The following ZNF367 variants were observed in gnomAD, a reference collection of about 807,000 sequenced individuals.
ZNF367 encodes C2H2 zinc finger protein ZFF29.
ZNF367 carries 11 observed loss-of-function variants against 31.8 expected under a neutral mutation model. The observed-to-expected ratio is 0.35, with a 90% CI of 0.22 to 0.57. The LOEUF (loss-of-function observed/expected upper bound fraction) is 0.57. Among genes scored for constraint, ZNF367 ranks in the 20% least tolerant of loss-of-function variants. ZNF367 has a pLI of 0.85. For synonymous variants in ZNF367, 199 were observed against 202.4 expected, an observed-to-expected ratio of 0.98 and a Z score of 0.14; for missense variants, 353 against 484.1, an observed-to-expected ratio of 0.73 and a Z score of 2.54.
In ZNF367 at chr9:96,417,841, G is replaced by A. The variant is rs780738975; in HGVS notation, c.192C>T (p.Ser64=). Reference sequence around the variant, plus strand: ...AGCGCCACGGGTACACCATGAAGTCGCTGAAGCCGGGGCTGGTGGGGATGA... The same window carrying A: ...AGCGCCACGGGTACACCATGAAGTCACTGAAGCCGGGGCTGGTGGGGATGA... The part of the protein sequence containing the change: ...PPLIPTSPGF[S]DFMVYPWRWG... The change falls in exon 1 of 5, where the codon AGC becomes AGT. Residue 64 remains serine, a synonymous_variant. Coordinates refer to ENST00000375256, the MANE Select transcript of ZNF367 (RefSeq NM_153695.4). This position sits in a 1 kb window ranked among gnomAD's most constrained non-coding sequence, Gnocchi z 5.0. 11 of 1,493,452 alleles carry A rather than the reference G, an allele frequency of 7.4e-6. No individual in the cohort carries two copies. Among genetic ancestry groups the A allele is most frequent in the Non-Finnish European group, 8.9e-6 (10 of 1,129,860 alleles). The allele number at this position is 1,493,452 out of a possible 1,614,324, so 92.5% of individuals were successfully genotyped here. A position where few individuals can be genotyped will look rare whatever the true frequency, so the allele number is the denominator to read the frequency against.
intron 3 of ZNF367, among the ~76,000 whole-genome samples, chr9:96,393,530 A>T (rs1334914808): frequency 2.7e-5 from 4 of 150,726 alleles, no homozygotes; most frequent in Admixed American, 6.6e-5. Flanking sequence ...AAAACAATAA[A>T]AAATAAATAA....
At chr9:96,402,276 C>A (rs901806330) in intron 1 of ZNF367, among the ~76,000 whole-genome samples, 1 of 151,492 alleles carries the variant, frequency 6.6e-6, no homozygotes, top group Non-Finnish European at 1.5e-5. Flanking sequence ...AAGAAAGAAA[C>A]AAAAGAAAAG....
intron 1 of ZNF367, among the ~76,000 whole-genome samples, chr9:96,401,650 T>C (rs1483160343): frequency 2.2e-4 from 16 of 73,700 alleles, no homozygotes; most frequent in South Asian, 4.4e-4. Context: ...AGAGCGAAGC[T>C]CCGTCTCAAA....
At chr9:96,405,314 C>CAAAA (rs975848691) in intron 1 of ZNF367, among the ~76,000 whole-genome samples, 2 of 55,088 alleles carry the variant, frequency 3.6e-5, no homozygotes, top group African/African-American at 6.7e-5. Context: ...AACTCTGTCT[C>CAAAA]AAAAAAAAAA....
At chr9:96,416,904 C>G (rs776910170) in intron 1 of ZNF367, among the ~76,000 whole-genome samples, 1 of 152,156 alleles carries the variant, frequency 6.6e-6, no homozygotes, top group Non-Finnish European at 1.5e-5. Context: ...ACCTAGTCCC[C>G]GCTCTTCCAC....
chr9:96,388,243 T>C lies in ZNF367; in HGVS notation c.1047A>G (p.Arg349=). 6.2e-7 allele frequency: 1 copy of C among 1,610,572 alleles called. No homozygotes were observed. Among genetic ancestry groups the C allele is most frequent in the Non-Finnish European group, 8.5e-7 (1 of 1,179,344 alleles). ...GGAAGAGTCAGTGTCCAAGCTACTGTCGGAGTGGCGCCCCAGTCAGGTTGG... is the reference window on the plus strand; with the variant it reads ...GGAAGAGTCAGTGTCCAAGCTACTGCCGGAGTGGCGCCCCAGTCAGGTTGG... ...ELANLTGAPL[R]Q Residue 349 remains arginine, a synonymous_variant, in exon 5 of 5, where the codon CGA becomes CGG. Transcript: ENST00000375256.
At position 96,417,812 on chromosome 9, in the gene ZNF367, C is replaced by T. The variant is rs1831854134; in HGVS notation, c.221G>A (p.Gly74Asp). The T allele has an allele frequency of 3.5e-6, 5 of 1,419,148 alleles. No homozygotes were observed. The highest frequency in any genetic ancestry group is 3.1e-5 in the South Asian group (2 of 64,706). The allele number at this position is 1,419,148 out of a possible 1,614,324, so 87.9% of individuals were successfully genotyped here. A position where few individuals can be genotyped will look rare whatever the true frequency, so the allele number is the denominator to read the frequency against. Residue 74 changes from glycine to aspartate, a missense_variant, in exon 1 of 5, where the codon GGC becomes GAC. Around this residue, in one of 5 missense-constraint regions of ZNF367, gnomAD observed 31 missense variants for 58.4 expected, o/e 0.53. Coordinates refer to ENST00000375256, the MANE Select transcript of ZNF367 (RefSeq NM_153695.4). This position sits in a 1 kb window ranked among gnomAD's most constrained non-coding sequence, Gnocchi z 5.0. ...SDFMVYPWRWGENAHNVTLSP... is the reference protein window; with the variant it reads ...SDFMVYPWRWDENAHNVTLSP... ...GAGCGTCACGTTGTGTGCGTTCTCGCCCCAGCGCCACGGGTACACCATGAA... is the reference window on the plus strand; with the variant it reads ...GAGCGTCACGTTGTGTGCGTTCTCGTCCCAGCGCCACGGGTACACCATGAA...
chr9:96,404,376 C>G (rs1376340179), intron 1 of ZNF367, among the ~76,000 whole-genome samples: 1 of 152,026 alleles, frequency 6.6e-6, no homozygotes, highest in African/African-American at 2.4e-5. Flanking sequence ...GAGTGGATTA[C>G]GAGGTCAAGA....
Position 96,417,382 on chromosome 9 carries a change from A to G in ZNF367, c.420+231T>C, listed in dbSNP as rs1831845054. Among the ~76,000 whole-genome samples, 1 of 150,868 alleles carries G rather than the reference A, an allele frequency of 6.6e-6. No homozygotes were observed. The highest frequency in any genetic ancestry group is 6.6e-5 in the Admixed American group (1 of 15,190). On this transcript the variant is annotated intron_variant, in intron 1 of 4. Coordinates refer to ENST00000375256, the MANE Select transcript of ZNF367 (RefSeq NM_153695.4). This position sits in a 1 kb window ranked among gnomAD's most constrained non-coding sequence, Gnocchi z 5.0. ...GCGACCCCGGGCCGCGCTCCCGCCC[A>G]CTGCACCTGCCGCAAGGACGGTCTC...
intron 2 of ZNF367, among the ~76,000 whole-genome samples, chr9:96,397,187 A>G (rs1831543327): frequency 6.6e-6 from 1 of 152,116 alleles, no homozygotes; most frequent in African/African-American, 2.4e-5. Context: ...AAGGTATGAG[A>G]GACTGATTGT....
At chr9:96,404,187 G>A (rs10990960) in intron 1 of ZNF367, among the ~76,000 whole-genome samples, 36,813 of 151,280 alleles carry the variant, frequency 0.24, 6,159 homozygotes, top group African/African-American at 0.48. Flanking sequence ...AAGGCCGGGC[G>A]CGGTGGCTCA....
chr9:96,387,617 C>T lies in ZNF367; in HGVS notation c.*620G>A, dbSNP rs1831420927. ...AGATAGAATAAGACTGATTTTGCTC[C>T]AATTTCAAAAATTCTGAACTATTGT... On this transcript the variant is annotated 3_prime_UTR_variant, in exon 5 of 5. Coordinates refer to ENST00000375256, the MANE Select transcript of ZNF367 (RefSeq NM_153695.4). 1 of 152,124 alleles carries T rather than the reference C, an allele frequency of 6.6e-6. No homozygotes were observed. Among genetic ancestry groups the T allele is most frequent in the Non-Finnish European group, 1.5e-5 (1 of 67,998 alleles). 9.4% of individuals were successfully genotyped at this position (152,124 alleles called of 1,614,324 possible).
In ZNF367 at chr9:96,417,399, G is replaced by A. The variant is rs1351184113; in HGVS notation, c.420+214C>T. ...TCCCGCCCACTGCACCTGCCGCAAG[G>A]ACGGTCTCCCGCGCCGCTCCCGCCT... On this transcript the variant is annotated intron_variant, in intron 1 of 4. Coordinates refer to ENST00000375256, the MANE Select transcript of ZNF367 (RefSeq NM_153695.4). This position sits in a 1 kb window ranked among gnomAD's most constrained non-coding sequence, Gnocchi z 5.0. Among the ~76,000 whole-genome samples, 3 of 150,716 alleles carry A rather than the reference G, an allele frequency of 2.0e-5. No homozygotes were observed. The highest frequency in any genetic ancestry group is 1.3e-4 in the Admixed American group (2 of 15,140).
rs1023433695 is a variant in ZNF367 at position 96,418,365 on chromosome 9, C to T, written c.-333G>A. On this transcript the variant is annotated 5_prime_UTR_variant, in exon 1 of 5. Coordinates refer to ENST00000375256, the MANE Select transcript of ZNF367 (RefSeq NM_153695.4). ...GCCCCCAAAAATAACAACCTGCCGC[C>T]GCGGTGCCTGCCCCGGCTTTTCCCG... 1 of 312,820 alleles carries T rather than the reference C, an allele frequency of 3.2e-6. No homozygotes were observed. 19.4% of individuals were successfully genotyped at this position (312,820 alleles called of 1,614,324 possible).
In ZNF367 at chr9:96,388,531, A is replaced by C. The variant is rs1831431721; in HGVS notation, c.831-72T>G. 5 of 1,341,056 alleles carry C rather than the reference A, an allele frequency of 3.7e-6. No individual in the cohort carries two copies. In the African/African-American group the frequency reaches 4.4e-5, roughly 12 times the overall value. The allele number at this position is 1,341,056 out of a possible 1,614,324, so 83.1% of individuals were successfully genotyped here. On this transcript the variant is annotated intron_variant, in intron 4 of 4. Coordinates refer to ENST00000375256, the MANE Select transcript of ZNF367 (RefSeq NM_153695.4). ...CCAAATGTTTACTTTTCTTTTAAAAAGTTCCATACCACAATATTACTTTTA... is the reference window on the plus strand; with the variant it reads ...CCAAATGTTTACTTTTCTTTTAAAACGTTCCATACCACAATATTACTTTTA...
At chr9:96,403,832 C>T (rs572812364) in intron 1 of ZNF367, among the ~76,000 whole-genome samples, 34 of 152,072 alleles carry the variant, frequency 2.2e-4, no homozygotes, top group Non-Finnish European at 4.6e-4. Context: ...AAAGTTAGAC[C>T]CCTACCTTAC....
chr9:96,414,075 C>A (rs1479033167), intron 1 of ZNF367, among the ~76,000 whole-genome samples: 1 of 152,172 alleles, frequency 6.6e-6, no homozygotes, highest in Non-Finnish European at 1.5e-5. Context: ...AACAGTAAAA[C>A]AGGCTGGGAC....
intron 1 of ZNF367, among the ~76,000 whole-genome samples, chr9:96,410,592 T>C (rs867534440): frequency 8.1e-4 from 84 of 103,774 alleles, no homozygotes; most frequent in African/African-American, 2.8e-3. Flanking sequence ...AAAAAAACCA[T>C]AGACCAGGCA....
intron 1 of ZNF367, 131 bp from the exon 2 acceptor site, chr9:96,398,445 A>C: frequency 2.9e-6 from 2 of 691,298 alleles, no homozygotes; most frequent in Non-Finnish European, 4.5e-6. Flanking sequence ...AGTCCCAGCT[A>C]TTTAGGAGGC....
Sources: allele counts gnomAD v4.1 joint callset (sites outside exome capture counted in the v4.1 genomes callset), GRCh38; gene constraint gnomAD v4.1.1; regional missense constraint gnomAD v4.1.1; non-coding constraint Gnocchi (gnomAD v3.1); transcripts MANE v1.5; gene names NCBI Gene and HGNC (gene_info 2026-07-23, HGNC 2026-07-21).